Variants in IQSEC2 observed in about 807,000 individuals in gnomAD.
IQSEC2 encodes the protein IQ motif and Sec7 domain ArfGEF 2.
Under a neutral mutation model 74.6 loss-of-function variants are expected in IQSEC2, and 6 were observed. The observed-to-expected ratio is 0.08, with a 90% CI of 0.04 to 0.16. IQSEC2 has a LOEUF of 0.16. IQSEC2 is among the 10% of genes least tolerant of loss of function. The probability of loss-of-function intolerance (pLI) is 1.00; values close to 1 mark genes in which losing one functional copy is unlikely to be tolerated. For missense variants in IQSEC2, 734 were observed against 1,306.2 expected (o/e 0.56, Z 6.75); for synonymous variants, 494 against 544.5 (o/e 0.91, Z 1.29).
intron 1 of IQSEC2, among the ~76,000 whole-genome samples, chrX:53,315,188 C>T (rs1040936564): frequency 2.3e-4 from 26 of 111,565 alleles, no homozygotes; most frequent in Admixed American, 2.0e-3. Context: ...GTCAGGAGTT[C>T]GAGACCAGCC....
intron 8 of IQSEC2, among the ~76,000 whole-genome samples, chrX:53,244,232 A>T (rs782267332): frequency 9.3e-6 from 1 of 107,690 alleles, no homozygotes; most frequent in South Asian, 4.1e-4. Flanking sequence ...AAAAAAAAAG[A>T]AAAAGAAAAA....
rs59407104 is a variant in IQSEC2 at position 53,233,767 on chromosome X, G to A, written c.*452C>T. 1,067 of 294,780 alleles carry A rather than the reference G, an allele frequency of 3.6e-3. 7 individuals carry two copies. The highest frequency in any genetic ancestry group is 0.026 in the African/African-American group (942 of 36,496). The allele number at this position is 294,780 out of a possible 1,213,427, so 24.3% of individuals were successfully genotyped here. On this transcript the variant is annotated 3_prime_UTR_variant, in exon 15 of 15. Transcript: ENST00000642864. ...TGAAGTTTGGCCACAACTCTACAGAGCGCTCTCCTAGCCCCACACGGCCAG... is the reference window on the plus strand; with the variant it reads ...TGAAGTTTGGCCACAACTCTACAGAACGCTCTCCTAGCCCCACACGGCCAG...
downstream of IQSEC2, chrX:53,228,828 A>C (rs1334055270): frequency 6.2e-5 from 7 of 112,403 alleles, no homozygotes; most frequent in Admixed American, 1.9e-4. Context: ...AGACAGAGAC[A>C]GAGAAATATC....
At chrX:53,235,910 A>T in intron 13 of IQSEC2, 78 bp from the exon 14 acceptor site, 1 of 991,386 alleles carries the variant, frequency 1.0e-6, no homozygotes, top group East Asian at 3.4e-5. Context: ...GCTGGGCACC[A>T]GGACTGGGCC....
At chrX:53,260,077 G>T (rs2074546331) in intron 2 of IQSEC2, among the ~76,000 whole-genome samples, 2 of 111,934 alleles carry the variant, frequency 1.8e-5, no homozygotes, top group Admixed American at 1.9e-4. Context: ...ACAGAAGAAA[G>T]AAACAAGTAA....
At chrX:53,257,651 T>C (rs1556865614) in intron 2 of IQSEC2, among the ~76,000 whole-genome samples, 1 of 111,920 alleles carries the variant, frequency 8.9e-6, no homozygotes, top group African/African-American at 3.2e-5. Flanking sequence ...GCATGAACCA[T>C]CATCTATAAC....
intron 2 of IQSEC2, among the ~76,000 whole-genome samples, chrX:53,287,597 G>A (rs908366990): frequency 1.8e-5 from 2 of 113,065 alleles, no homozygotes; most frequent in Non-Finnish European, 3.7e-5. Flanking sequence ...GGTGCTGCCC[G>A]TAAGGCTCAG....
chrX:53,315,947 A>G (rs1032487691), intron 1 of IQSEC2, among the ~76,000 whole-genome samples: 1 of 111,595 alleles, frequency 9.0e-6, no homozygotes, highest in Non-Finnish European at 1.9e-5. Context: ...CATTCCTTCC[A>G]TACCCCTCAT....
chrX:53,237,117 G>A (rs1437974796), intron 12 of IQSEC2, among the ~76,000 whole-genome samples: 1 of 111,934 alleles, frequency 8.9e-6, no homozygotes, highest in Admixed American at 9.5e-5. Flanking sequence ...TCCACATTGT[G>A]CAGAGGAAGA....
At chrX:53,295,806 C>T (rs782032088) in intron 1 of IQSEC2, among the ~76,000 whole-genome samples, 4 of 109,923 alleles carry the variant, frequency 3.6e-5, no homozygotes, top group Admixed American at 2.9e-4. Context: ...CTCCAAGCCA[C>T]CCATAAGCAG....
At chrX:53,278,003 C>CTTTTTTTTTTTTTTTTTTTTTTTTTTT (rs36027805) in intron 2 of IQSEC2, among the ~76,000 whole-genome samples, 2 of 37,573 alleles carry the variant, frequency 5.3e-5, no homozygotes, top group Admixed American at 5.1e-4. Flanking sequence ...TTTTCTTTTT[C>CTTTTTTTTTTTTTTTTTTTTTTTTTTT]TTTTTTTTTT....
Position 53,233,045 on chromosome X carries a change from C to CT in IQSEC2, c.*1173dup, listed in dbSNP as rs1156550677. On this transcript the variant is annotated 3_prime_UTR_variant, in exon 15 of 15. Transcript: ENST00000642864. The stretch of plus-strand genomic sequence containing the variant: ...CTTCGTACAGCCAGGGTCCATCTGT[C>CT]TGTCTATACTGCAGCCCATGGTGGA... The CT allele has an allele frequency of 9.0e-6, 1 of 111,453 alleles. No individual in the cohort carries two copies. Among genetic ancestry groups the CT allele is most frequent in the Admixed American group, 9.5e-5 (1 of 10,521 alleles). The allele number at this position is 111,453 out of a possible 1,213,427, so 9.2% of individuals were successfully genotyped here.
intron 1 of IQSEC2, among the ~76,000 whole-genome samples, chrX:53,318,954 C>T (rs1556879657): frequency 8.8e-6 from 1 of 113,019 alleles, no homozygotes. Context: ...GCAGCCCTGC[C>T]TGGGCAGGAA....
rs142545002 is a variant in IQSEC2 at position 53,250,419 on chromosome X, G to C, written c.2157C>G (p.Asp719Glu). 130 of 1,210,347 alleles carry C rather than the reference G, an allele frequency of 1.1e-4. No homozygotes were observed. The highest frequency in any genetic ancestry group is 1.3e-4 in the Non-Finnish European group (118 of 895,168). The change falls in exon 5 of 15, where the codon GAC becomes GAG. Residue 719 changes from aspartate (D) to glutamate (E), a missense_variant. Around this residue, in one of 12 missense-constraint regions of IQSEC2, gnomAD observed 204 missense variants for 305.4 expected, o/e 0.67. Transcript: ENST00000642864. The part of the protein sequence containing the change: ...INCSSGSSSR[D>E]SLREPPATGL... ...CGGTAGCCGGAGGCTCCCTTAGACT[G>C]TCCCGAGAAGAGGAGCCGGAGCTGC...
chrX:53,254,569 A>C lies in IQSEC2; in HGVS notation c.1362T>G (p.Ser454=), dbSNP rs782739700. The change falls in exon 4 of 15, where the codon TCT becomes TCG. Residue 454 remains serine (S), a synonymous_variant. Transcript: ENST00000642864. ...GSSVTTSGEF[S]NDITELEDSF... is the part of the protein sequence containing the mutation. ...AGTCCTCAAGTTCTGTGATGTCATT[A>C]GAAAACTCTCCAGATGTGGTGACGG... The C allele has an allele frequency of 8.4e-7, 1 of 1,194,003 alleles. No homozygotes were observed. Among genetic ancestry groups the C allele is most frequent in the South Asian group, 1.9e-5 (1 of 53,226 alleles).
Position 53,234,557 on chromosome X carries a change from G to A in IQSEC2, c.4129C>T (p.His1377Tyr), listed in dbSNP as rs1556859050. Residue 1377 changes from histidine (H) to tyrosine (Y), a missense_variant, in exon 15 of 15, where the codon CAC (histidine) becomes TAC (tyrosine). Physicochemically the swap from His to Tyr is moderately conservative, Grantham distance 83. This residue lies in a region of IQSEC2 where 249 missense variants were observed against 467.9 expected (regional missense o/e 0.53). Coordinates refer to ENST00000642864, the MANE Select transcript of IQSEC2 (RefSeq NM_001111125.3). ...PLPLYSPAPQ[H>Y]PPAHKQGPKH... ...GGGCCCTGTTTGTGGGCTGGAGGGT[G>A]CTGGGGGGCAGGACTGTACAGGGGC... The A allele has an allele frequency of 1.8e-6, 2 of 1,111,020 alleles. No homozygotes were observed. Among genetic ancestry groups the A allele is most frequent in the Non-Finnish European group, 2.4e-6 (2 of 843,358 alleles). 91.6% of individuals were successfully genotyped at this position (1,111,020 alleles called of 1,213,427 possible).
chrX:53,248,134 C>T lies in IQSEC2; in HGVS notation c.2562G>A (p.Glu854=), dbSNP rs782037404. 5 of 1,209,263 alleles carry T rather than the reference C, an allele frequency of 4.1e-6. No homozygotes were observed. Among genetic ancestry groups the T allele is most frequent in the Non-Finnish European group, 5.6e-6 (5 of 894,905 alleles). ...IRVQGEAQKV[E]RLIEAFSQRY... ...CACACCTGAAGGCTTCGATGAGTCG[C>T]TCCACTTTCTGGGCCTCACCCTGAA... The change falls in exon 7 of 15, where the codon GAG becomes GAA. Residue 854 remains glutamate, a synonymous_variant. Coordinates refer to ENST00000642864, the MANE Select transcript of IQSEC2 (RefSeq NM_001111125.3).
At chrX:53,274,452 C>CTT (rs66510453) in intron 2 of IQSEC2, among the ~76,000 whole-genome samples, 32,505 of 46,948 alleles carry the variant, frequency 0.69, 14,062 homozygotes, top group Non-Finnish European at 0.8. Flanking sequence ...AGTTACATTT[C>CTT]TTTTTTTTTT....
At chrX:53,309,151 G>C (rs1295117993) in intron 1 of IQSEC2, among the ~76,000 whole-genome samples, 2 of 108,271 alleles carry the variant, frequency 1.8e-5, no homozygotes, top group African/African-American at 6.7e-5. Context: ...GAAAGAGTCA[G>C]CTGTTGTAAA....
Sources: allele counts gnomAD v4.1 joint callset (sites outside exome capture counted in the v4.1 genomes callset), GRCh38; gene constraint gnomAD v4.1.1; regional missense constraint gnomAD v4.1.1; transcripts MANE v1.5; gene names NCBI Gene and HGNC (gene_info 2026-07-23, HGNC 2026-07-21).